AGBL1: variants seen among roughly 807,000 people sequenced by gnomAD.
AGBL1 encodes cytosolic carboxypeptidase 4.
Under a neutral mutation model 118.9 loss-of-function variants are expected in AGBL1, and 130 were observed. The ratio of observed to expected loss-of-function variants is 1.09; its 90% CI spans 0.95 to 1.26. The LOEUF is 1.26. Ranked by LOEUF, AGBL1 falls within the 50% of genes most tolerant of loss-of-function variation. AGBL1 has a pLI of 0.00. For synonymous variants in AGBL1, 555 were observed against 478.9 expected (o/e 1.16, Z -2.08); for missense variants, 1,584 against 1,298.1 (o/e 1.22, Z -3.38).
intron 1 of AGBL1, among the ~76,000 whole-genome samples, chr15:86,122,849 G>T (rs1466392828): frequency 6.6e-6 from 1 of 152,070 alleles, no homozygotes; most frequent in Non-Finnish European, 1.5e-5. Flanking sequence ...CCTCCCTTTG[G>T]AATTCAGGCA....
At chr15:86,101,857 T>G (rs115916713) in intron 1 of AGBL1, among the ~76,000 whole-genome samples, 1,676 of 152,296 alleles carry the variant, frequency 0.011, 29 homozygotes, top group African/African-American at 0.038. Context: ...GAAAACTTAA[T>G]GCATTTATAT....
chr15:86,513,361 G>C (rs1281945270), intron 18 of AGBL1, among the ~76,000 whole-genome samples: 1 of 151,842 alleles, frequency 6.6e-6, no homozygotes, highest in African/African-American at 2.4e-5. Context: ...TGTATTTCTG[G>C]CAAGGTTGTC....
At chr15:86,958,034 A>G (rs773139792) in intron 23 of AGBL1, among the ~76,000 whole-genome samples, 5 of 151,714 alleles carry the variant, frequency 3.3e-5, no homozygotes, top group Non-Finnish European at 7.4e-5. Flanking sequence ...AGACCCTTGT[A>G]ACTTAAAAAT....
At chr15:86,544,477 A>G (rs1224637979) in intron 19 of AGBL1, among the ~76,000 whole-genome samples, 2 of 152,234 alleles carry the variant, frequency 1.3e-5, no homozygotes, top group African/African-American at 4.8e-5. Context: ...AGACTAGGTA[A>G]TTTGTAAAGG....
chr15:86,293,129 A>T (rs1281299647), intron 16 of AGBL1, among the ~76,000 whole-genome samples: 2 of 152,178 alleles, frequency 1.3e-5, no homozygotes, highest in South Asian at 4.1e-4. Context: ...GTCTATTCCT[A>T]TTCAGATGTC....
intron 18 of AGBL1, among the ~76,000 whole-genome samples, chr15:86,486,546 C>G (rs1310952265): frequency 6.6e-6 from 1 of 152,132 alleles, no homozygotes; most frequent in African/African-American, 2.4e-5. Context: ...CACCTGGGCA[C>G]AGTCCATTTC....
intron 22 of AGBL1, among the ~76,000 whole-genome samples, chr15:86,860,384 C>T (rs1042986961): frequency 1.3e-5 from 2 of 151,376 alleles, no homozygotes; most frequent in African/African-American, 2.4e-5. Flanking sequence ...CAGAAATTTG[C>T]TTTTTCTCTT....
intron 22 of AGBL1, among the ~76,000 whole-genome samples, chr15:86,782,725 A>G (rs2078352343): frequency 6.6e-6 from 1 of 151,686 alleles, no homozygotes; most frequent in African/African-American, 2.4e-5. Context: ...TAGGGAAGTA[A>G]GAAAAATCTA....
intron 17 of AGBL1, among the ~76,000 whole-genome samples, chr15:86,301,324 G>A (rs1175492524): frequency 1.3e-5 from 2 of 151,976 alleles, no homozygotes; most frequent in East Asian, 1.9e-4. Context: ...AGGGACATGA[G>A]CTGGACTATC....
At chr15:86,269,439 A>G (rs1172720598) in intron 13 of AGBL1, among the ~76,000 whole-genome samples, 3 of 152,178 alleles carry the variant, frequency 2.0e-5, no homozygotes, top group African/African-American at 7.2e-5. Context: ...GCACACTTGC[A>G]TTTTTTCTAG....
At chr15:87,014,475 T>A (rs1446554688) in intron 24 of AGBL1, among the ~76,000 whole-genome samples, 1 of 152,284 alleles carries the variant, frequency 6.6e-6, no homozygotes, top group African/African-American at 2.4e-5. Flanking sequence ...TGGCATTCCT[T>A]AGAAGAAAAC....
At chr15:86,339,250 A>G (rs1299465954) in intron 17 of AGBL1, among the ~76,000 whole-genome samples, 3 of 152,182 alleles carry the variant, frequency 2.0e-5, no homozygotes, top group Admixed American at 1.3e-4. Flanking sequence ...GTAAGGTGTT[A>G]TCCATTTCTT....
At chr15:86,590,455 C>A (rs1204204588) in intron 21 of AGBL1, among the ~76,000 whole-genome samples, 1 of 152,170 alleles carries the variant, frequency 6.6e-6, no homozygotes, top group African/African-American at 2.4e-5. Flanking sequence ...GACCTGTTTG[C>A]TTCTGCTTCA....
chr15:86,617,757 T>TGC (rs1376624553), intron 21 of AGBL1, among the ~76,000 whole-genome samples: 98 of 99,124 alleles, frequency 9.9e-4, no homozygotes, highest in African/African-American at 2.7e-3. Flanking sequence ...TTCAACTTTA[T>TGC]GCGCACACAC....
At chr15:86,249,156 G>C (rs2078768074) in intron 7 of AGBL1, among the ~76,000 whole-genome samples, 1 of 152,126 alleles carries the variant, frequency 6.6e-6, no homozygotes, top group African/African-American at 2.4e-5. Context: ...AAGTGTTCCA[G>C]TATCCATCAT....
At chr15:86,837,178 G>A (rs1287519056) in intron 22 of AGBL1, among the ~76,000 whole-genome samples, 1 of 148,454 alleles carries the variant, frequency 6.7e-6, no homozygotes, top group South Asian at 2.1e-4. Flanking sequence ...ACATCCCCAA[G>A]ATTACCACTT....
intron 1 of AGBL1, among the ~76,000 whole-genome samples, chr15:86,114,346 T>G (rs1413496476): frequency 6.6e-6 from 1 of 152,166 alleles, no homozygotes; most frequent in Non-Finnish European, 1.5e-5. Flanking sequence ...AACTCAGAGG[T>G]GTCACTTCCA....
intron 21 of AGBL1, among the ~76,000 whole-genome samples, chr15:86,651,764 C>T (rs890710757): frequency 2.0e-5 from 3 of 152,162 alleles, no homozygotes; most frequent in African/African-American, 7.2e-5. Flanking sequence ...CTAAACCTGC[C>T]ACTGAGTACG....
intron 22 of AGBL1, among the ~76,000 whole-genome samples, chr15:86,795,188 G>A (rs1184522302): frequency 6.6e-6 from 1 of 152,182 alleles, no homozygotes; most frequent in African/African-American, 2.4e-5. Context: ...TTAATTGCCA[G>A]ATCGTCAATT....
Sources: gnomAD v4.1 joint callset for allele counts (sites outside exome capture counted in the v4.1 genomes callset) on GRCh38, gnomAD v4.1.1 for gene constraint, MANE v1.5 for transcripts, NCBI Gene and HGNC (gene_info 2026-07-23, HGNC 2026-07-21) for gene names.